The following INTS7 variants were observed in gnomAD, a reference collection of about 807,000 sequenced individuals.
INTS7 encodes integrator complex subunit 7.
In INTS7, 46 loss-of-function variants were observed where a neutral mutation model predicts 109.2. That is an observed-to-expected ratio of 0.42 (90% CI 0.33 to 0.54). INTS7 has a LOEUF of 0.54. Among genes scored for constraint, INTS7 ranks in the 20% least tolerant of loss-of-function variants. INTS7 has a pLI of 0.07. For synonymous variants in INTS7, 412 were observed against 402.9 expected (o/e 1.02, Z -0.27); for missense variants, 929 against 1,132.4 (o/e 0.82, Z 2.58).
chr1:211,974,274 A>ATATATATATATATAT (rs1553249475), intron 13 of INTS7, among the ~76,000 whole-genome samples: 17 of 79,532 alleles, frequency 2.1e-4, no homozygotes, highest in African/African-American at 5.2e-4. Context: ...CCAGAAAAAA[A>ATATATATATATATAT]AAATATATAT....
At chr1:211,956,846 G>C (rs1361319849) in intron 16 of INTS7, among the ~76,000 whole-genome samples, 1 of 151,888 alleles carries the variant, frequency 6.6e-6, no homozygotes, top group Middle Eastern at 3.2e-3. Context: ...GAGACACTTG[G>C]GTTTTTCCAG....
chr1:211,968,762 T>C (rs1158172393), intron 13 of INTS7, 55 bp from the exon 14 acceptor site: 44 of 1,396,564 alleles, frequency 3.2e-5, no homozygotes, highest in Non-Finnish European at 7.9e-6. Flanking sequence ...AACAGTGAGA[T>C]GGGGCAGTAC....
At chr1:211,955,439 G>A (rs1226415486) in intron 16 of INTS7, among the ~76,000 whole-genome samples, 1 of 152,176 alleles carries the variant, frequency 6.6e-6, no homozygotes, top group Admixed American at 6.5e-5. Flanking sequence ...TGTTGAATAG[G>A]AGTGGTGAGA....
chr1:211,994,661 G>A (rs1351536753), intron 7 of INTS7, among the ~76,000 whole-genome samples: 2 of 150,698 alleles, frequency 1.3e-5, no homozygotes, highest in East Asian at 3.9e-4. Context: ...TCAAACTCCC[G>A]ACCTCAAGTG....
intron 7 of INTS7, among the ~76,000 whole-genome samples, chr1:211,995,839 A>C (rs544436945): frequency 6.6e-6 from 1 of 152,306 alleles, no homozygotes; most frequent in African/African-American, 2.4e-5. Context: ...TGTGAGGGCC[A>C]AAGCAAGAAG....
At chr1:211,984,484 A>G (rs1176212113) in intron 8 of INTS7, among the ~76,000 whole-genome samples, 3 of 152,196 alleles carry the variant, frequency 2.0e-5, no homozygotes, top group African/African-American at 7.2e-5. Context: ...CAACAGTACA[A>G]TTTAAAAACT....
intron 14 of INTS7, 37 bp downstream of exon 14, chr1:211,968,476 A>G: frequency 6.4e-7 from 1 of 1,554,694 alleles, no homozygotes; most frequent in Non-Finnish European, 8.8e-7. Flanking sequence ...AAACCTCTAA[A>G]GTGTAAATAA....
intron 9 of INTS7, among the ~76,000 whole-genome samples, chr1:211,981,400 C>T (rs1023119187): frequency 1.3e-5 from 2 of 152,174 alleles, no homozygotes; most frequent in African/African-American, 2.4e-5. Context: ...ATTTCTACCA[C>T]TTTATTGAAG....
At chr1:211,974,274 A>AC (rs1553249475) in intron 13 of INTS7, among the ~76,000 whole-genome samples, 6 of 79,598 alleles carry the variant, frequency 7.5e-5, no homozygotes, top group Admixed American at 1.4e-4. Flanking sequence ...CCAGAAAAAA[A>AC]AAATATATAT....
chr1:211,987,650 CA>C (rs571207556), intron 8 of INTS7, among the ~76,000 whole-genome samples: 18 of 143,980 alleles, frequency 1.3e-4, no homozygotes, highest in East Asian at 2.0e-4. Context: ...ACATATAATT[CA>C]AAAAAAAAAG....
At chr1:212,033,143 G>A (rs1667246692) in intron 1 of INTS7, among the ~76,000 whole-genome samples, 1 of 152,192 alleles carries the variant, frequency 6.6e-6, no homozygotes, top group Admixed American at 6.5e-5. Flanking sequence ...GAGTGTGTAT[G>A]CTGAGGTGGG....
chr1:212,003,527 G>A (rs1350174107), intron 7 of INTS7, among the ~76,000 whole-genome samples: 1 of 152,052 alleles, frequency 6.6e-6, no homozygotes, highest in Non-Finnish European at 1.5e-5. Context: ...GAAGGCAGAA[G>A]GAAAAGTAAC....
At chr1:211,951,177 T>C (rs1332719255) in intron 17 of INTS7, among the ~76,000 whole-genome samples, 1 of 152,152 alleles carries the variant, frequency 6.6e-6, no homozygotes, top group East Asian at 1.9e-4. Context: ...AGGGGTAAAG[T>C]TCAAAGGCTG....
chr1:212,030,514 C>G (rs1175081634), intron 1 of INTS7, among the ~76,000 whole-genome samples: 1 of 152,110 alleles, frequency 6.6e-6, no homozygotes, highest in African/African-American at 2.4e-5. Flanking sequence ...GTCTCGAACT[C>G]CTGACCTCAG....
At chr1:212,020,350 T>G in intron 2 of INTS7, 82 bp from the exon 3 acceptor site, 2 of 795,306 alleles carry the variant, frequency 2.5e-6, no homozygotes, top group Non-Finnish European at 3.9e-6. Flanking sequence ...AATATTAAAT[T>G]TTAGCAACAC....
intron 8 of INTS7, 34 bp from the exon 9 acceptor site, chr1:211,982,844 A>T: frequency 6.4e-7 from 1 of 1,560,510 alleles, no homozygotes; most frequent in East Asian, 2.3e-5. Context: ...AGAAATTGTA[A>T]TTCAAATAGT....
chr1:212,008,254 T>C (rs1475008923), intron 5 of INTS7, among the ~76,000 whole-genome samples: 2 of 152,180 alleles, frequency 1.3e-5, no homozygotes, highest in African/African-American at 2.4e-5. Context: ...ATCAGAGTAT[T>C]CCCTGCTTTC....
At chr1:211,971,915 CAAAAAAAAAAAAA>C (rs745814699) in intron 13 of INTS7, among the ~76,000 whole-genome samples, 2 of 79,800 alleles carry the variant, frequency 2.5e-5, no homozygotes, top group South Asian at 4.5e-4. Flanking sequence ...AACTCAGTCT[CAAAAAAAAAAAAA>C]AAAAAAAAGA....
In INTS7 at chr1:212,006,638, C is replaced by A. The variant is rs1332521825; in HGVS notation, c.879+1G>T. On this transcript the variant is annotated splice_donor_variant, in intron 7 of 19. Coordinates refer to ENST00000366994, the MANE Select transcript of INTS7 (RefSeq NM_015434.4). LOFTEE classifies it high-confidence loss of function. ...TATAAAATGTTACAAGTTCTACATA[C>A]CTGAATATTCTCCCTACTCCAAGTA... 2 of 1,503,332 alleles carry A rather than the reference C, an allele frequency of 1.3e-6. No individual in the cohort carries two copies. Among genetic ancestry groups the A allele is most frequent in the Non-Finnish European group, 1.8e-6 (2 of 1,092,926 alleles). 93.1% of individuals were successfully genotyped at this position (1,503,332 alleles called of 1,614,324 possible).
Sources: allele counts gnomAD v4.1 joint callset (sites outside exome capture counted in the v4.1 genomes callset), GRCh38; gene constraint gnomAD v4.1.1; transcripts MANE v1.5; gene names NCBI Gene and HGNC (gene_info 2026-07-23, HGNC 2026-07-21).